Variants in FRMD6 observed in about 807,000 individuals in gnomAD.
FRMD6 encodes FERM domain containing 6.
In FRMD6, 37 loss-of-function variants were observed where a neutral mutation model predicts 73.2. The ratio of observed to expected loss-of-function variants is 0.51; its 90% CI spans 0.39 to 0.66. FRMD6 has a LOEUF of 0.66. FRMD6 is among the 30% of genes least tolerant of loss of function. FRMD6 has a pLI of 0.00. For missense variants in FRMD6, 714 were observed against 780.5 expected (o/e 0.91, Z 1.02); for synonymous variants, 273 against 282.2 (o/e 0.97, Z 0.33).
At chr14:51,555,631 T>G (rs1887084046) in intron 1 of FRMD6, among the ~76,000 whole-genome samples, 1 of 151,902 alleles carries the variant, frequency 6.6e-6, no homozygotes. Context: ...GGAGAAAATT[T>G]GTCTCTACTA....
At chr14:51,544,929 A>G (rs1186214698) in intron 1 of FRMD6, among the ~76,000 whole-genome samples, 1 of 152,178 alleles carries the variant, frequency 6.6e-6, no homozygotes, top group African/African-American at 2.4e-5. Flanking sequence ...CATAATTACA[A>G]CTCAGTATTT....
intron 1 of FRMD6, among the ~76,000 whole-genome samples, chr14:51,664,024 AC>A (rs1234157101): frequency 6.6e-6 from 1 of 152,178 alleles, no homozygotes; most frequent in Admixed American, 6.5e-5. Flanking sequence ...TAAGTTTCCA[AC>A]ACATGAACTT....
intron 2 of FRMD6, among the ~76,000 whole-genome samples, chr14:51,695,581 G>A (rs1594748464): frequency 6.6e-6 from 1 of 152,122 alleles, no homozygotes; most frequent in African/African-American, 2.4e-5. Flanking sequence ...TTCAGGGAGT[G>A]GTCTTGATCT....
the FRMD6 span, among the ~76,000 whole-genome samples, chr14:51,465,322 C>T: frequency 1.3e-5 from 2 of 152,026 alleles, no homozygotes; most frequent in South Asian, 2.1e-4. Flanking sequence ...TTAAAATGTA[C>T]CATTAGATGA....
the FRMD6 span, among the ~76,000 whole-genome samples, chr14:51,475,983 C>T: frequency 2.0e-5 from 3 of 152,218 alleles, no homozygotes; most frequent in East Asian, 3.9e-4. Flanking sequence ...AACAAATGTA[C>T]CTTGCCCTCA....
the FRMD6 span, among the ~76,000 whole-genome samples, chr14:51,415,713 G>A: frequency 4.6e-5 from 7 of 152,302 alleles, no homozygotes; most frequent in East Asian, 1.2e-3. Context: ...GATTGGGATA[G>A]TTTCAGAAGG....
At chr14:51,667,617 A>G (rs559184033) in intron 1 of FRMD6, among the ~76,000 whole-genome samples, 4 of 152,308 alleles carry the variant, frequency 2.6e-5, no homozygotes, top group Non-Finnish European at 5.9e-5. Context: ...CATTTCTGAA[A>G]TCTCTTTTGA....
At chr14:51,670,923 A>C (rs879663449) in intron 1 of FRMD6, among the ~76,000 whole-genome samples, 1 of 152,248 alleles carries the variant, frequency 6.6e-6, no homozygotes, top group Non-Finnish European at 1.5e-5. Flanking sequence ...GTGGGATTAC[A>C]GGCGTGGGCC....
chr14:51,702,618 T>A (rs753977227), intron 5 of FRMD6, 30 bp downstream of exon 5: 1 of 1,523,286 alleles, frequency 6.6e-7, no homozygotes, highest in Non-Finnish European at 9.0e-7. Context: ...TTCTAAACGC[T>A]TTTTTTTCCC....
chr14:51,655,986 G>A (rs984858806), intron 1 of FRMD6, among the ~76,000 whole-genome samples: 1 of 152,188 alleles, frequency 6.6e-6, no homozygotes, highest in Non-Finnish European at 1.5e-5. Context: ...TATTTAATTA[G>A]TCCCCCAACA....
At chr14:51,714,715 T>A (rs558104667) in intron 9 of FRMD6, 2 of 152,326 alleles carry the variant, frequency 1.3e-5, no homozygotes, top group South Asian at 4.1e-4. Flanking sequence ...AAACCCCAAA[T>A]AGATATCCTG....
chr14:51,550,938 G>C (rs903746752), intron 1 of FRMD6, among the ~76,000 whole-genome samples: 1 of 152,080 alleles, frequency 6.6e-6, no homozygotes, highest in Non-Finnish European at 1.5e-5. Context: ...CTGGTCCCGG[G>C]TACCACCCAC....
chr14:51,692,414 T>C (rs908016199), intron 2 of FRMD6, among the ~76,000 whole-genome samples: 1 of 152,180 alleles, frequency 6.6e-6, no homozygotes, highest in African/African-American at 2.4e-5. Context: ...ATCTAGGACA[T>C]ATAGCATAAG....
intron 2 of FRMD6, among the ~76,000 whole-genome samples, chr14:51,692,472 ATG>A (rs10637550): frequency 0.27 from 41,264 of 150,468 alleles, 6,073 homozygotes; most frequent in Non-Finnish European, 0.33. Context: ...ACGTGGTGCA[ATG>A]TGTGTGTGTG....
At chr14:51,479,937 G>C in the FRMD6 span, among the ~76,000 whole-genome samples, 2 of 152,108 alleles carry the variant, frequency 1.3e-5, no homozygotes, top group Non-Finnish European at 2.9e-5. Context: ...AATAGAGAGG[G>C]TGGGGTGTGA....
At chr14:51,429,029 A>AGGGGAGGGAGAGGGGGGGAGAGAGG in the FRMD6 span, among the ~76,000 whole-genome samples, 1 of 137,908 alleles carries the variant, frequency 7.3e-6, no homozygotes. Flanking sequence ...TGGGAGAGAG[A>AGGGGAGGGAGAGGGGGGGAGAGAGG]GGGGAGAGAA....
At chr14:51,718,318 T>C (rs1897344679) in intron 10 of FRMD6, among the ~76,000 whole-genome samples, 1 of 152,080 alleles carries the variant, frequency 6.6e-6, no homozygotes, top group South Asian at 2.1e-4. Context: ...AGCATACTAG[T>C]GAATATAGAG....
At chr14:51,490,391 C>CAG (rs1004574927) in intron 1 of FRMD6, among the ~76,000 whole-genome samples, 7 of 151,864 alleles carry the variant, frequency 4.6e-5, no homozygotes, top group South Asian at 2.1e-4. Context: ...GTATTTATGA[C>CAG]AGAGAGAGAG....
At chr14:51,698,270 T>TATCC (rs1352400328) in intron 3 of FRMD6, 38 bp downstream of exon 3, 1 of 1,409,506 alleles carries the variant, frequency 7.1e-7, no homozygotes. Flanking sequence ...TTTAGCCAAC[T>TATCC]ATCCCTGAGG....
Sources: gnomAD v4.1 joint callset for allele counts (sites outside exome capture counted in the v4.1 genomes callset) on GRCh38, gnomAD v4.1.1 for gene constraint, MANE v1.5 for transcripts, NCBI Gene and HGNC (gene_info 2026-07-23, HGNC 2026-07-21) for gene names.